SMCO2: variants seen among roughly 807,000 people sequenced by gnomAD.
SMCO2 encodes the protein single-pass membrane protein with coiled-coil domains 2.
SMCO2 carries 25 observed loss-of-function variants against 29.5 expected under a neutral mutation model. The ratio of observed to expected loss-of-function variants is 0.85; its 90% confidence interval spans 0.62 to 1.18. The LOEUF is 1.18. Ranked by LOEUF, SMCO2 falls within the 50% of genes most tolerant of loss-of-function variation. The pLI is 0.00. For missense variants in SMCO2, 348 were observed against 344.5 expected, an observed-to-expected ratio of 1.01 and a Z score of -0.08; for synonymous variants, 117 against 123.3, an observed-to-expected ratio of 0.95 and a Z score of 0.34.
At chr12:27,463,882 T>C (rs770366636), upstream of SMCO2, among the ~76,000 whole-genome samples, 2 of 151,938 alleles carry the variant, frequency 1.3e-5, no homozygotes, top group Non-Finnish European at 2.9e-5. Context: ...AAATGCAGAG[T>C]GAAGAAATCA....
the SMCO2 span, among the ~76,000 whole-genome samples, chr12:27,461,490 G>A: frequency 6.6e-6 from 1 of 152,106 alleles, no homozygotes; most frequent in Non-Finnish European, 1.5e-5. Context: ...CCCACTTACA[G>A]GTAAGAGCAT....
chr12:27,432,934 G>C, the SMCO2 span, among the ~76,000 whole-genome samples: 6 of 152,098 alleles, frequency 3.9e-5, no homozygotes, highest in African/African-American at 1.2e-4. Context: ...AACCATTTTT[G>C]TTATATTGTT....
rs550492842 is a variant in SMCO2, at chr12:27,501,909, T to C, written c.684-14T>C. On this transcript the variant is annotated splice_polypyrimidine_tract_variant and intron_variant, in intron 7 of 7. Transcript: ENST00000298876. ...TCAGAATTTGGTTAACACAGATGTTTTCTCTCTTTGTAGGAAACGTGCACT... is the reference window on the plus strand; with the variant it reads ...TCAGAATTTGGTTAACACAGATGTTCTCTCTCTTTGTAGGAAACGTGCACT... 254 of 1,505,696 alleles carry C rather than the reference T, an allele frequency of 1.7e-4. 19 individuals carry two copies. The African/African-American group carries it at 3.3e-3, about 19-fold the overall frequency. 93.3% of individuals were successfully genotyped at this position (1,505,696 alleles called of 1,614,324 possible).
chr12:27,446,420 C>T, the SMCO2 span: 1 of 152,204 alleles, frequency 6.6e-6, no homozygotes, highest in African/African-American at 2.4e-5. Context: ...TCTCCAAATA[C>T]CATCACATTG....
the SMCO2 span, among the ~76,000 whole-genome samples, chr12:27,428,164 A>G: frequency 6.6e-6 from 1 of 151,952 alleles, no homozygotes; most frequent in Non-Finnish European, 1.5e-5. Context: ...CTCCTGAGCC[A>G]TAATTTCTGA....
chr12:27,442,356 T>C, the SMCO2 span, among the ~76,000 whole-genome samples: 3 of 151,568 alleles, frequency 2.0e-5, no homozygotes, highest in East Asian at 1.9e-4. Context: ...AAATCAGAAA[T>C]GAAAAATGGG....
the SMCO2 span, among the ~76,000 whole-genome samples, chr12:27,458,073 G>T: frequency 1.3e-5 from 2 of 152,258 alleles, no homozygotes; most frequent in South Asian, 2.1e-4. Flanking sequence ...TGCAGAAAAG[G>T]CTAATTGTAT....
chr12:27,481,080 G>A (rs1949638754), intron 4 of SMCO2, among the ~76,000 whole-genome samples: 1 of 152,184 alleles, frequency 6.6e-6, no homozygotes, highest in Admixed American at 6.5e-5. Context: ...CAGTTGGCAT[G>A]GTGATACTGC....
the SMCO2 span, among the ~76,000 whole-genome samples, chr12:27,455,978 G>A: frequency 2.3e-3 from 346 of 152,364 alleles, no homozygotes; most frequent in African/African-American, 7.9e-3. Context: ...GGGAGGCCGA[G>A]GTGGGTGGAT....
the SMCO2 span, chr12:27,424,465 A>G: frequency 6.6e-6 from 1 of 152,246 alleles, no homozygotes; most frequent in South Asian, 2.1e-4. Context: ...CAAACAGGAA[A>G]GTACAGAATA....
chr12:27,437,810 C>G, the SMCO2 span, among the ~76,000 whole-genome samples: 1 of 152,206 alleles, frequency 6.6e-6, no homozygotes, highest in Non-Finnish European at 1.5e-5. Flanking sequence ...GACCCCTTCA[C>G]CTGGGCTCTG....
chr12:27,437,394 C>T, the SMCO2 span, among the ~76,000 whole-genome samples: 2 of 151,708 alleles, frequency 1.3e-5, no homozygotes, highest in African/African-American at 2.4e-5. Context: ...TTATCATTGA[C>T]GATGTCCAGT....
intron 7 of SMCO2, among the ~76,000 whole-genome samples, chr12:27,499,401 T>C (rs992985414): frequency 2.7e-5 from 4 of 150,518 alleles, no homozygotes; most frequent in Admixed American, 6.6e-5. Flanking sequence ...AGATTCAAAG[T>C]AGATTCATGG....
At chr12:27,470,701 C>A (rs1949534000) in exon 2 of SMCO2, 8 of 1,551,132 alleles carry the variant, frequency 5.2e-6, no homozygotes, top group Non-Finnish European at 7.0e-6. Context: ...CCAGGAACAA[C>A]AGCTGACTAA....
At chr12:27,447,852 C>T in the SMCO2 span, among the ~76,000 whole-genome samples, 1 of 152,090 alleles carries the variant, frequency 6.6e-6, no homozygotes, top group Non-Finnish European at 1.5e-5. Context: ...TGTTTTCGGG[C>T]TTCTGTAGAT....
chr12:27,431,850 G>A, the SMCO2 span, among the ~76,000 whole-genome samples: 1 of 152,002 alleles, frequency 6.6e-6, no homozygotes, highest in African/African-American at 2.4e-5. Flanking sequence ...TTTCCGTAGT[G>A]GTTGTACCAT....
chr12:27,488,434 G>C (rs1415186826), intron 4 of SMCO2, 26 bp from the exon 6 acceptor site: 18 of 1,428,514 alleles, frequency 1.3e-5, no homozygotes, highest in Non-Finnish European at 1.7e-5. Flanking sequence ...TAATCTGCAG[G>C]CCTTAGTATC....
At chr12:27,478,743 C>T (rs1949613305) in intron 4 of SMCO2, among the ~76,000 whole-genome samples, 1 of 152,096 alleles carries the variant, frequency 6.6e-6, no homozygotes, top group African/African-American at 2.4e-5. Flanking sequence ...GTGAGCAGGG[C>T]CCATCCTCAG....
chr12:27,461,561 G>A, the SMCO2 span, among the ~76,000 whole-genome samples: 1 of 152,094 alleles, frequency 6.6e-6, no homozygotes, highest in Admixed American at 6.5e-5. Context: ...AAATATTTTG[G>A]ATCCACAGAA....
Sources: gnomAD v4.1 joint callset for allele counts (sites outside exome capture counted in the v4.1 genomes callset) on GRCh38, gnomAD v4.1.1 for gene constraint, MANE v1.5 for transcripts, NCBI Gene and HGNC (gene_info 2026-07-23, HGNC 2026-07-21) for gene names.